FAM221A: variants seen among roughly 807,000 people sequenced by gnomAD.
The protein encoded by FAM221A is protein FAM221A.
In FAM221A, 43 loss-of-function variants were observed where a neutral mutation model predicts 37.6. The observed-to-expected ratio is 1.15, with a 90% CI of 0.90 to 1.48. The LOEUF (loss-of-function observed/expected upper bound fraction) is 1.48, where lower values mean the gene tolerates loss of function less well. Ranked by LOEUF, FAM221A falls within the 40% of genes most tolerant of loss-of-function variation. The pLI is 0.00. For synonymous variants in FAM221A, 135 were observed against 132.9 expected, an observed-to-expected ratio of 1.02 and a Z score of -0.11; for missense variants, 361 against 361.5, an observed-to-expected ratio of 1.00 and a Z score of 0.01.
intron 6 of FAM221A, 109 bp from the exon 7 acceptor site, chr7:23,701,985 CTT>C: frequency 1.8e-6 from 1 of 559,406 alleles, no homozygotes; most frequent in Non-Finnish European, 3.0e-6. Flanking sequence ...TATTTAGCAG[CTT>C]AATAACTGTG....
Position 23,689,407 on chromosome 7 carries a change from C to G in FAM221A, c.378C>G (p.Cys126Trp), listed in dbSNP as rs1562520941. Residue 126 changes from cysteine (C) to tryptophan (W), a missense_variant, in exon 3 of 7, where the codon TGC becomes TGG. Coordinates refer to ENST00000344962, the MANE Select transcript of FAM221A (RefSeq NM_199136.5). The stretch of plus-strand genomic sequence containing the variant: ...GTAGCCAGCCCATTCGCTGCAGGTG[C>G]AAACACTTTGCTGATCAGCACAGTG... ...LNGSQPIRCR[C>W]KHFADQHSAA... 1 of 1,606,282 alleles carries G rather than the reference C, an allele frequency of 6.2e-7. No homozygotes were observed. The highest frequency in any genetic ancestry group is 1.1e-5 in the South Asian group (1 of 90,622).
rs570517028 is a variant in FAM221A at position 23,696,522 on chromosome 7, C to T, written c.638-1670C>T. 3.9e-4 allele frequency among the ~76,000 whole-genome samples: 60 copies of T among 152,288 alleles called. No individual in the cohort carries two copies. In the Middle Eastern group the frequency reaches 0.014, roughly 35 times the overall value. On this transcript the variant is annotated intron_variant, in intron 4 of 6. Transcript: ENST00000344962. ...GAGGTTGCAATGAGCTGTGATGGCA[C>T]CATTGCCCTCCAGCCTGGGTGACAG...
At chr7:23,697,310 A>G (rs1419253382) in intron 4 of FAM221A, among the ~76,000 whole-genome samples, 1 of 152,214 alleles carries the variant, frequency 6.6e-6, no homozygotes, top group Non-Finnish European at 1.5e-5. Flanking sequence ...AATTAGGACC[A>G]CCTGTGGTGT....
chr7:23,689,935 C>G (rs1784610823), intron 3 of FAM221A, among the ~76,000 whole-genome samples: 1 of 151,792 alleles, frequency 6.6e-6, no homozygotes, highest in Admixed American at 6.6e-5. Context: ...TACCCAAATT[C>G]CAACCTCTAC....
At chr7:23,684,745 C>T (rs7791123) in intron 2 of FAM221A, 73 bp downstream of exon 2, 304,377 of 1,300,076 alleles carry the variant, frequency 0.23, 38,493 homozygotes, top group African/African-American at 0.38. Flanking sequence ...TTCTACAAAT[C>T]GTAATGATTG....
Position 23,691,394 on chromosome 7 carries a change from C to T in FAM221A, c.435C>T (p.Ser145=). 1 of 1,614,008 alleles carries T rather than the reference C, an allele frequency of 6.2e-7. No individual in the cohort carries two copies. Among genetic ancestry groups the T allele is most frequent in the South Asian group, 1.1e-5 (1 of 91,062 alleles). The part of the protein sequence containing the change: ...AAPGFTCNTC[S]KCSGFHSCFT... Reference sequence around the variant, plus strand: ...TCCCTTTACATCTTGATTCAGGTTCCAAGTGTTCAGGATTCCATAGCTGCT... The same window carrying T: ...TCCCTTTACATCTTGATTCAGGTTCTAAGTGTTCAGGATTCCATAGCTGCT... Residue 145 remains serine (S), a synonymous_variant, in exon 4 of 7, where the codon TCC becomes TCT. Transcript: ENST00000344962.
chr7:23,701,400 C>T (rs943093801), intron 6 of FAM221A, among the ~76,000 whole-genome samples: 7 of 151,936 alleles, frequency 4.6e-5, no homozygotes, highest in African/African-American at 1.5e-4. Context: ...CCACCATGCC[C>T]AGCTAATTTT....
chr7:23,695,318 G>A lies in FAM221A; in HGVS notation c.638-2874G>A, dbSNP rs537497297. On this transcript the variant is annotated intron_variant, in intron 4 of 6. Coordinates refer to ENST00000344962, the MANE Select transcript of FAM221A (RefSeq NM_199136.5). ...GTCTTTTCATTTATTTGTCATCTGT[G>A]CAACTAAGTGGAATTCTGAAGTTGT... is the stretch of plus-strand genomic sequence containing the variant. Among the ~76,000 whole-genome samples the A allele has an allele frequency of 2.0e-5, 3 of 152,192 alleles. No homozygotes were observed. In the South Asian group the frequency reaches 6.2e-4, roughly 32 times the overall value.
chr7:23,702,133 C>A lies in FAM221A; in HGVS notation c.866C>A (p.Ala289Asp). 1 of 1,601,388 alleles carries A rather than the reference C, an allele frequency of 6.2e-7. No individual in the cohort carries two copies. The highest frequency in any genetic ancestry group is 8.5e-7 in the Non-Finnish European group (1 of 1,173,664). Residue 289 changes from alanine to aspartate, a missense_variant, in exon 7 of 7, where the codon GCT (alanine) becomes GAT (aspartate). Transcript: ENST00000344962. ...AAGGCTGCTAAGTGGAAAGGAAAAG[C>A]TCCATTGCCATCAGCTACAAAACCT... ...MEKAAKWKGK[A>D]PLPSATKPS
chr7:23,701,576 T>C (rs912066736), intron 6 of FAM221A, among the ~76,000 whole-genome samples: 1 of 152,158 alleles, frequency 6.6e-6, no homozygotes, highest in Non-Finnish European at 1.5e-5. Flanking sequence ...TTTATTCTTC[T>C]TAGAGGCTTT....
At chr7:23,685,294 A>G (rs1034768537) in intron 2 of FAM221A, among the ~76,000 whole-genome samples, 3 of 108,762 alleles carry the variant, frequency 2.8e-5, no homozygotes, top group African/African-American at 8.8e-5. Flanking sequence ...AAACAAAACA[A>G]AACAAAACAA....
intron 2 of FAM221A, chr7:23,687,880 A>C (rs1784461963): frequency 6.6e-6 from 1 of 151,994 alleles, no homozygotes; most frequent in South Asian, 2.1e-4. Context: ...CCTGAGCTCA[A>C]GTGATCCACC....
chr7:23,684,992 G>GT (rs1291332782), intron 2 of FAM221A, among the ~76,000 whole-genome samples: 10 of 152,234 alleles, frequency 6.6e-5, no homozygotes, highest in African/African-American at 2.4e-4. Context: ...GCTGACGCCT[G>GT]TAATTCCAGC....
chr7:23,694,016 CTG>C (rs1784901999), intron 4 of FAM221A: 1 of 152,172 alleles, frequency 6.6e-6, no homozygotes, highest in African/African-American at 2.4e-5. Flanking sequence ...TGACAGGCCC[CTG>C]TGTGTGATGT....
At chr7:23,691,240 A>C in intron 3 of FAM221A, 150 bp from the exon 4 acceptor site, 1 of 640,884 alleles carries the variant, frequency 1.6e-6, no homozygotes, top group Admixed American at 2.8e-5. Context: ...TAGAAGTAAG[A>C]ACAGTGGCTA....
In FAM221A at chr7:23,699,535, CTTTTTTTTTTTTT is replaced by C. The variant is rs57930152; in HGVS notation, c.746-1238_746-1226del. ...GCTTGTTTCTGATAGTCACCTTTTC[CTTTTTTTTTTTTT>C]TTTTTTTTTTTTGAGACAGAGTCTT... On this transcript the variant is annotated intron_variant, in intron 5 of 6. Coordinates refer to ENST00000344962, the MANE Select transcript of FAM221A (RefSeq NM_199136.5). Among the ~76,000 whole-genome samples the C allele has an allele frequency of 1.9e-4, 12 of 64,198 alleles. No homozygotes were observed. In the South Asian group the frequency reaches 7.7e-3, roughly 41 times the overall value. 42.1% of individuals were successfully genotyped at this position (64,198 alleles called of 152,430 possible).
At chr7:23,685,272 C>CAA (rs1784301924) in intron 2 of FAM221A, among the ~76,000 whole-genome samples, 2 of 52,030 alleles carry the variant, frequency 3.8e-5, no homozygotes, top group South Asian at 2.9e-3. Context: ...CAAAACAAAA[C>CAA]AAAACAAAAC....
At chr7:23,698,880 AAACATAC>A (rs1033472234) in intron 5 of FAM221A, among the ~76,000 whole-genome samples, 2 of 152,202 alleles carry the variant, frequency 1.3e-5, no homozygotes, top group African/African-American at 4.8e-5. Context: ...GCTTGCCTTA[AAACATAC>A]AACTTAGTAC....
At chr7:23,696,281 G>A (rs558359923) in intron 4 of FAM221A, among the ~76,000 whole-genome samples, 7 of 152,188 alleles carry the variant, frequency 4.6e-5, no homozygotes, top group South Asian at 2.1e-4. Flanking sequence ...AAAATGGGCC[G>A]TGTGCAGTGG....
Sources: gnomAD v4.1 joint callset for allele counts (sites outside exome capture counted in the v4.1 genomes callset) on GRCh38, gnomAD v4.1.1 for gene constraint, MANE v1.5 for transcripts, NCBI Gene and HGNC (gene_info 2026-07-23, HGNC 2026-07-21) for gene names.